The following PDZD2 variants were observed in gnomAD, a reference collection of about 807,000 sequenced individuals.
PDZD2 encodes PDZ domain containing 2.
Under a neutral mutation model 220.7 loss-of-function variants are expected in PDZD2, and 90 were observed. The observed-to-expected ratio is 0.41, with a 90% CI of 0.34 to 0.49. The LOEUF (loss-of-function observed/expected upper bound fraction) is 0.49. Among genes scored for constraint, PDZD2 ranks in the 20% least tolerant of loss-of-function variants. The probability of loss-of-function intolerance (pLI) is 0.28; values close to 1 mark genes in which losing one functional copy is unlikely to be tolerated. For missense variants in PDZD2, 3,174 were observed against 3,608.5 expected (o/e 0.88, Z 3.08); for synonymous variants, 1,375 against 1,450.5 (o/e 0.95, Z 1.18).
chr5:31,813,320 G>A (rs1388370921), intron 2 of PDZD2, among the ~76,000 whole-genome samples: 2 of 151,944 alleles, frequency 1.3e-5, no homozygotes, highest in African/African-American at 4.8e-5. Context: ...CATGGTGGCA[G>A]GCGTCTATAG....
intron 1 of PDZD2, among the ~76,000 whole-genome samples, chr5:31,722,250 A>G (rs1748852314): frequency 6.6e-6 from 1 of 152,038 alleles, no homozygotes; most frequent in Admixed American, 6.6e-5. Context: ...GCAGCCCCTC[A>G]CCACACCGCA....
intron 2 of PDZD2, among the ~76,000 whole-genome samples, chr5:31,851,280 G>T (rs1286482193): frequency 6.6e-6 from 1 of 152,132 alleles, no homozygotes; most frequent in Non-Finnish European, 1.5e-5. Flanking sequence ...TTATTATGGG[G>T]TAGGGAGAAG....
intron 24 of PDZD2, among the ~76,000 whole-genome samples, chr5:32,102,338 C>T (rs1406015992): frequency 6.6e-6 from 1 of 151,968 alleles, no homozygotes; most frequent in African/African-American, 2.4e-5. Flanking sequence ...TGTGGGCAGC[C>T]AGAGCGAAGC....
intron 1 of PDZD2, among the ~76,000 whole-genome samples, chr5:31,748,952 A>G (rs1173819725): frequency 6.6e-6 from 1 of 152,160 alleles, no homozygotes; most frequent in East Asian, 1.9e-4. Flanking sequence ...CCTCCAGAGC[A>G]CTGGTTCTCA....
chr5:32,040,740 C>T (rs111470308), intron 7 of PDZD2, among the ~76,000 whole-genome samples: 2,208 of 150,138 alleles, frequency 0.015, 57 homozygotes, highest in African/African-American at 0.05. Context: ...CTCTGCCCAG[C>T]CGCCCCGTCT....
In PDZD2 at chr5:31,865,621, C is replaced by CTTTT. The variant is rs776271275; in HGVS notation, c.476+65924_476+65927dup. On this transcript the variant is annotated intron_variant, in intron 2 of 24. Coordinates refer to ENST00000438447, the MANE Select transcript of PDZD2 (RefSeq NM_178140.4). The stretch of plus-strand genomic sequence containing the variant: ...GCCTGTAATCTGTGTCTACTGGCAA[C>CTTTT]TTTTTTTTTTTTTTTTTTTTTTTTT... Among the ~76,000 whole-genome samples the CTTTT allele has an allele frequency of 2.5e-4, 17 of 67,798 alleles. 1 individual carries two copies. The highest frequency in any genetic ancestry group is 5.7e-4 in the African/African-American group (7 of 12,260). The allele number at this position is 67,798 out of a possible 152,430, so 44.5% of individuals were successfully genotyped here.
At chr5:32,027,385 G>T (rs757141872) in intron 6 of PDZD2, among the ~76,000 whole-genome samples, 2 of 152,128 alleles carry the variant, frequency 1.3e-5, no homozygotes, top group African/African-American at 2.4e-5. Flanking sequence ...AAATTTCAAC[G>T]CATAAAAATA....
chr5:31,854,610 G>C (rs1758261563), intron 2 of PDZD2, among the ~76,000 whole-genome samples: 1 of 152,176 alleles, frequency 6.6e-6, no homozygotes. Context: ...TCTTGCAATG[G>C]CTCGGAGGGA....
intron 2 of PDZD2, among the ~76,000 whole-genome samples, chr5:31,886,445 CCT>C (rs1740482547): frequency 6.6e-6 from 1 of 152,118 alleles, no homozygotes; most frequent in African/African-American, 2.4e-5. Flanking sequence ...CTTCCTCTCT[CCT>C]CTCTCCTCTC....
intron 1 of PDZD2, among the ~76,000 whole-genome samples, chr5:31,751,396 G>T (rs938997408): frequency 7.2e-5 from 11 of 152,244 alleles, no homozygotes; most frequent in African/African-American, 2.4e-4. Flanking sequence ...AATGATGGGG[G>T]CTTGTGCTAT....
intron 2 of PDZD2, among the ~76,000 whole-genome samples, chr5:31,938,796 G>A (rs1745978133): frequency 6.6e-6 from 1 of 152,152 alleles, no homozygotes; most frequent in African/African-American, 2.4e-5. Context: ...CTCTGAACAT[G>A]CAGTGCTCCT....
intron 2 of PDZD2, among the ~76,000 whole-genome samples, chr5:31,855,912 A>T (rs1285345764): frequency 1.3e-5 from 2 of 152,196 alleles, no homozygotes; most frequent in Non-Finnish European, 2.9e-5. Flanking sequence ...GTCTTGTCTC[A>T]TGAGATGGAG....
intron 1 of PDZD2, among the ~76,000 whole-genome samples, chr5:31,780,737 G>A (rs1482356756): frequency 1.3e-5 from 2 of 152,150 alleles, no homozygotes; most frequent in Admixed American, 6.5e-5. Context: ...GCTTCAGCAG[G>A]AAGGATATTC....
At chr5:31,662,093 C>G (rs1745791014) in intron 1 of PDZD2, among the ~76,000 whole-genome samples, 1 of 151,772 alleles carries the variant, frequency 6.6e-6, no homozygotes, top group South Asian at 2.1e-4. Flanking sequence ...GGCAGATCAC[C>G]TGAGGTTAGG....
intron 2 of PDZD2, among the ~76,000 whole-genome samples, chr5:31,928,676 A>G (rs1252548278): frequency 6.6e-6 from 1 of 152,108 alleles, no homozygotes; most frequent in Admixed American, 6.5e-5. Context: ...GGGTTTCACC[A>G]TGTTGGCCAA....
At chr5:31,739,377 A>T (rs528546470) in intron 1 of PDZD2, among the ~76,000 whole-genome samples, 1 of 152,332 alleles carries the variant, frequency 6.6e-6, no homozygotes, top group Non-Finnish European at 1.5e-5. Flanking sequence ...GCAAAAAAAA[A>T]TGGGCCATAA....
chr5:31,914,190 T>C (rs1439885106), intron 2 of PDZD2, among the ~76,000 whole-genome samples: 2 of 152,366 alleles, frequency 1.3e-5, no homozygotes, highest in African/African-American at 2.4e-5. Flanking sequence ...AAAATTAAAA[T>C]GACTAAATAA....
chr5:31,933,749 C>G (rs892477058), intron 2 of PDZD2, among the ~76,000 whole-genome samples: 1 of 152,166 alleles, frequency 6.6e-6, no homozygotes, highest in African/African-American at 2.4e-5. Flanking sequence ...TGTTTCCACA[C>G]GAACGCAATG....
intron 6 of PDZD2, among the ~76,000 whole-genome samples, chr5:32,017,903 G>C (rs1393420804): frequency 6.6e-6 from 1 of 152,196 alleles, no homozygotes; most frequent in African/African-American, 2.4e-5. Context: ...CAACCATAAA[G>C]TGTCAGAACT....
Sources: gnomAD v4.1 joint callset for allele counts (sites outside exome capture counted in the v4.1 genomes callset) on GRCh38, gnomAD v4.1.1 for gene constraint, MANE v1.5 for transcripts, NCBI Gene and HGNC (gene_info 2026-07-23, HGNC 2026-07-21) for gene names.